KCNH5: variants seen among roughly 807,000 people sequenced by gnomAD.
The protein encoded by KCNH5 is voltage-gated delayed rectifier potassium channel KCNH5.
KCNH5 carries 46 observed loss-of-function variants against 96.1 expected under a neutral mutation model. The ratio of observed to expected loss-of-function variants is 0.48; its 90% CI spans 0.38 to 0.61. KCNH5 has a LOEUF of 0.61. Ranked by LOEUF, KCNH5 falls within the 20% of genes least tolerant of loss-of-function variation. The probability of loss-of-function intolerance (pLI) is 0.00; values close to 1 mark genes in which losing one functional copy is unlikely to be tolerated. For missense variants in KCNH5, 907 were observed against 1,225.8 expected, an observed-to-expected ratio of 0.74 and a Z score of 3.88; for synonymous variants, 439 against 449.8, an observed-to-expected ratio of 0.98 and a Z score of 0.30.
chr14:62,755,935 A>G (rs966010978), intron 10 of KCNH5, among the ~76,000 whole-genome samples: 1 of 152,176 alleles, frequency 6.6e-6, no homozygotes, highest in Non-Finnish European at 1.5e-5. Flanking sequence ...CCCTCAAAAA[A>G]TTGGGCATAG....
chr14:62,983,865 G>A (rs1301347765), intron 5 of KCNH5, among the ~76,000 whole-genome samples: 1 of 152,086 alleles, frequency 6.6e-6, no homozygotes, highest in Non-Finnish European at 1.5e-5. Context: ...CATTTCTTTA[G>A]ACATTCAGGA....
chr14:63,010,034 G>T lies in KCNH5; in HGVS notation c.198-3562C>A, dbSNP rs112102068. Among the ~76,000 whole-genome samples the T allele has an allele frequency of 1.4e-3, 213 of 152,202 alleles. 1 individual carries two copies. The highest frequency in any genetic ancestry group is 5.0e-3 in the African/African-American group (209 of 41,546). On this transcript the variant is annotated intron_variant, in intron 2 of 10. Transcript: ENST00000322893. The stretch of plus-strand genomic sequence containing the variant: ...AACTTCCACTTGCTCTCTTACATAG[G>T]ATGCCAAGCTCCTCCTTGGTAATTA...
At chr14:62,896,150 A>G (rs1888807602) in intron 7 of KCNH5, among the ~76,000 whole-genome samples, 1 of 152,216 alleles carries the variant, frequency 6.6e-6, no homozygotes, top group Admixed American at 6.5e-5. Context: ...TAACATTCAC[A>G]GTCTAAAAGG....
intron 8 of KCNH5, among the ~76,000 whole-genome samples, chr14:62,816,995 T>G: frequency 6.7e-6 from 1 of 149,326 alleles, no homozygotes; most frequent in Non-Finnish European, 1.5e-5. Flanking sequence ...TTGGTTCTTT[T>G]TTGTGACTTT....
At chr14:63,024,974 C>T (rs1186153074) in intron 1 of KCNH5, among the ~76,000 whole-genome samples, 1 of 151,928 alleles carries the variant, frequency 6.6e-6, no homozygotes, top group Non-Finnish European at 1.5e-5. Context: ...AACATAGATG[C>T]AAAAATCCTC....
At chr14:62,744,549 A>C (rs991382171) in intron 10 of KCNH5, among the ~76,000 whole-genome samples, 3 of 152,212 alleles carry the variant, frequency 2.0e-5, no homozygotes, top group African/African-American at 7.2e-5. Context: ...CAACAAATCA[A>C]ATGTAAAAAC....
chr14:62,781,562 A>C (rs1414846224), intron 9 of KCNH5, among the ~76,000 whole-genome samples: 1 of 152,192 alleles, frequency 6.6e-6, no homozygotes, highest in Non-Finnish European at 1.5e-5. Flanking sequence ...GGGGCAGTTT[A>C]GAGACCTACC....
chr14:63,027,742 G>C (rs574415592), intron 1 of KCNH5, among the ~76,000 whole-genome samples: 12 of 152,030 alleles, frequency 7.9e-5, no homozygotes, highest in African/African-American at 2.9e-4. Context: ...TGAATGAATT[G>C]CTAGTATTCT....
chr14:62,856,916 G>T (rs1197573286), intron 7 of KCNH5, among the ~76,000 whole-genome samples: 2 of 152,078 alleles, frequency 1.3e-5, no homozygotes, highest in Non-Finnish European at 2.9e-5. Flanking sequence ...CCCTCTAAGA[G>T]ATGCTGGAAT....
chr14:62,985,213 G>A (rs886107636), intron 5 of KCNH5, among the ~76,000 whole-genome samples: 2 of 152,088 alleles, frequency 1.3e-5, no homozygotes, highest in African/African-American at 2.4e-5. Flanking sequence ...TTAATATTTA[G>A]TTATATTAAT....
chr14:62,952,292 A>T (rs1339612238), intron 6 of KCNH5, among the ~76,000 whole-genome samples: 1 of 151,878 alleles, frequency 6.6e-6, no homozygotes, highest in East Asian at 1.9e-4. Context: ...AGTTAAAAAG[A>T]GTAGAATTAA....
intron 7 of KCNH5, among the ~76,000 whole-genome samples, chr14:62,896,638 T>C (rs1888819082): frequency 6.6e-6 from 1 of 152,222 alleles, no homozygotes; most frequent in African/African-American, 2.4e-5. Context: ...AATTGCTATC[T>C]GACATATGGA....
chr14:62,806,157 C>T (rs986008300), intron 8 of KCNH5, among the ~76,000 whole-genome samples: 19 of 152,040 alleles, frequency 1.2e-4, no homozygotes, highest in Non-Finnish European at 1.9e-4. Flanking sequence ...GTCATGGCAA[C>T]GTCAGAAAGT....
At chr14:62,766,620 A>T (rs936329071) in intron 10 of KCNH5, among the ~76,000 whole-genome samples, 12 of 152,136 alleles carry the variant, frequency 7.9e-5, no homozygotes, top group African/African-American at 2.9e-4. Flanking sequence ...TGTGGGGTCT[A>T]AAAAAATCAA....
chr14:62,889,585 T>A (rs1888663603), intron 7 of KCNH5, among the ~76,000 whole-genome samples: 1 of 152,150 alleles, frequency 6.6e-6, no homozygotes, highest in Non-Finnish European at 1.5e-5. Flanking sequence ...GCTGGCCCTG[T>A]TCCCATTCCT....
chr14:62,863,647 A>G (rs1888079754), intron 7 of KCNH5, among the ~76,000 whole-genome samples: 1 of 152,212 alleles, frequency 6.6e-6, no homozygotes, highest in Non-Finnish European at 1.5e-5. Context: ...TAGAGACTAT[A>G]CTATGGTATT....
intron 9 of KCNH5, among the ~76,000 whole-genome samples, chr14:62,794,995 T>C (rs1296860286): frequency 1.3e-5 from 2 of 152,116 alleles, no homozygotes; most frequent in South Asian, 2.1e-4. Flanking sequence ...GGATCCGTGA[T>C]GGAGAACAAG....
chr14:62,908,511 C>A (rs1261370321), intron 7 of KCNH5, among the ~76,000 whole-genome samples: 2 of 152,156 alleles, frequency 1.3e-5, no homozygotes, highest in Non-Finnish European at 2.9e-5. Context: ...GAGGAAGAAT[C>A]CTCAGTAAAC....
At chr14:62,773,278 T>C (rs1165772595) in intron 10 of KCNH5, among the ~76,000 whole-genome samples, 1 of 152,242 alleles carries the variant, frequency 6.6e-6, no homozygotes, top group East Asian at 1.9e-4. Context: ...ATTGGTGATA[T>C]ACAAGACGCA....
Sources: gnomAD v4.1 joint callset for allele counts (sites outside exome capture counted in the v4.1 genomes callset) on GRCh38, gnomAD v4.1.1 for gene constraint, MANE v1.5 for transcripts, NCBI Gene and HGNC (gene_info 2026-07-23, HGNC 2026-07-21) for gene names.